SCN2A: variants seen among roughly 807,000 people sequenced by gnomAD.
The protein encoded by SCN2A is sodium voltage-gated channel alpha subunit 2, also known as sodium channel protein type 2 subunit alpha.
A neutral mutation model predicts 188.7 loss-of-function variants in SCN2A; 20 were observed. That is an observed-to-expected ratio of 0.11 (90% CI 0.07 to 0.15). The LOEUF is 0.15. Ranked by LOEUF, SCN2A falls within the 10% of genes least tolerant of loss-of-function variation. The pLI is 1.00. For missense variants in SCN2A, 1,278 were observed against 2,445.0 expected, an observed-to-expected ratio of 0.52 and a Z score of 10.07; for synonymous variants, 804 against 833.1, an observed-to-expected ratio of 0.97 and a Z score of 0.60.
intron 1 of SCN2A, among the ~76,000 whole-genome samples, chr2:165,284,697 G>A (rs1483626224): frequency 6.6e-6 from 1 of 152,020 alleles, no homozygotes; most frequent in East Asian, 1.9e-4. Flanking sequence ...TCAAACAAGT[G>A]GAAATACCTC....
intron 3 of SCN2A, among the ~76,000 whole-genome samples, chr2:165,304,222 T>C (rs750985264): frequency 7.9e-5 from 12 of 152,074 alleles, no homozygotes; most frequent in Non-Finnish European, 1.6e-4. Flanking sequence ...CTTAGCCTCC[T>C]GATTAGCTGG....
At chr2:165,348,313 T>C (rs1463004264) in intron 16 of SCN2A, among the ~76,000 whole-genome samples, 1 of 147,796 alleles carries the variant, frequency 6.8e-6, no homozygotes, top group Non-Finnish European at 1.5e-5. Context: ...GACCCGAGAT[T>C]GTGCCATTGC....
At chr2:165,337,266 A>T (rs1248686179) in intron 14 of SCN2A, among the ~76,000 whole-genome samples, 1 of 152,142 alleles carries the variant, frequency 6.6e-6, no homozygotes, top group Non-Finnish European at 1.5e-5. Context: ...GAAATTATCC[A>T]ATTTGAACAC....
At chr2:165,294,937 C>T (rs1347065389) in intron 1 of SCN2A, among the ~76,000 whole-genome samples, 1 of 152,166 alleles carries the variant, frequency 6.6e-6, no homozygotes, top group African/African-American at 2.4e-5. Context: ...TGTGATGCTA[C>T]GTTTTTATGA....
chr2:165,318,484 T>C lies in SCN2A; in HGVS notation c.1671+2726T>C, dbSNP rs560956243. Among the ~76,000 whole-genome samples the C allele has an allele frequency of 7.4e-4, 112 of 152,354 alleles. 2 individuals are homozygous for C. In the South Asian group the frequency reaches 0.021, roughly 29 times the overall value. On this transcript the variant is annotated intron_variant, in intron 11 of 26. Coordinates refer to ENST00000375437, the MANE Select transcript of SCN2A (RefSeq NM_001040142.2). ...GAATATTTCTTACTGGCCATCTTTT[T>C]TGTGTGTTACAGCATTTGATTACTA...
chr2:165,365,859 C>T (rs779794589), intron 18 of SCN2A, among the ~76,000 whole-genome samples: 3 of 152,076 alleles, frequency 2.0e-5, no homozygotes, highest in Non-Finnish European at 4.4e-5. Context: ...CTGGAGTAAT[C>T]GCAAAAGGAT....
intron 11 of SCN2A, among the ~76,000 whole-genome samples, chr2:165,317,788 G>A (rs1027242396): frequency 1.3e-5 from 2 of 152,082 alleles, no homozygotes; most frequent in African/African-American, 4.8e-5. Context: ...GGCTCATATT[G>A]ATACTTGTTT....
intron 17 of SCN2A, among the ~76,000 whole-genome samples, chr2:165,361,706 TTGC>T (rs1402151762): frequency 6.6e-6 from 1 of 152,002 alleles, no homozygotes; most frequent in Non-Finnish European, 1.5e-5. Flanking sequence ...AAGGATAAGA[TTGC>T]ATTCCTTAAA....
At chr2:165,358,150 A>G (rs1291009099) in intron 17 of SCN2A, among the ~76,000 whole-genome samples, 1 of 152,214 alleles carries the variant, frequency 6.6e-6, no homozygotes, top group Non-Finnish European at 1.5e-5. Flanking sequence ...TTTTAATGTT[A>G]CAGAGTTTTG....
chr2:165,317,298 A>G (rs1226311813), intron 11 of SCN2A, among the ~76,000 whole-genome samples: 4 of 151,768 alleles, frequency 2.6e-5, no homozygotes, highest in African/African-American at 4.8e-5. Flanking sequence ...GGAATCCTTT[A>G]AAAGGCAAAC....
At chr2:165,373,510 G>A (rs1486315278) in intron 21 of SCN2A, among the ~76,000 whole-genome samples, 163 bp downstream of exon 21, 2 of 152,034 alleles carry the variant, frequency 1.3e-5, no homozygotes, top group Non-Finnish European at 2.9e-5. Flanking sequence ...ATAATACTTG[G>A]CACTGCTGGA....
chr2:165,309,050 C>A (rs1477163162), intron 5 of SCN2A: 1 of 1,224,248 alleles, frequency 8.2e-7, no homozygotes, highest in Non-Finnish European at 1.2e-6. Context: ...ATGCCATTTT[C>A]CTCTTAATTG....
chr2:165,249,326 GAGCAA>G (rs1693993767), intron 1 of SCN2A, among the ~76,000 whole-genome samples: 1 of 152,090 alleles, frequency 6.6e-6, no homozygotes, highest in African/African-American at 2.4e-5. Flanking sequence ...CAACCGTGTG[GAGCAA>G]AGCACTGGTC....
At chr2:165,280,770 A>G (rs920999065) in intron 1 of SCN2A, among the ~76,000 whole-genome samples, 1 of 151,212 alleles carries the variant, frequency 6.6e-6, no homozygotes, top group Non-Finnish European at 1.5e-5. Flanking sequence ...AGCTTTACCC[A>G]CTCCTTTCCT....
At chr2:165,262,309 G>C (rs1428358372) in intron 1 of SCN2A, among the ~76,000 whole-genome samples, 1 of 151,946 alleles carries the variant, frequency 6.6e-6, no homozygotes, top group Non-Finnish European at 1.5e-5. Context: ...TGAGATTCTG[G>C]TGCACCCTGA....
chr2:165,331,430 C>T lies in SCN2A; in HGVS notation c.2250C>T (p.His750=), dbSNP rs762829571. The change falls in exon 14 of 27, where the codon CAC becomes CAT. Residue 750 remains histidine (H), a synonymous_variant. Coordinates refer to ENST00000375437, the MANE Select transcript of SCN2A (RefSeq NM_001040142.2). The part of the protein sequence containing the change: ...DCCKPWLKVK[H]LVNLVVMDPF... ...GTAAACCATGGTTAAAGGTGAAACACCTTGTCAACCTGGTTGTAATGGACC... is the reference window on the plus strand; with the variant it reads ...GTAAACCATGGTTAAAGGTGAAACATCTTGTCAACCTGGTTGTAATGGACC... 1.9e-6 allele frequency: 3 copies of T among 1,613,784 alleles called. No homozygotes were observed. Among genetic ancestry groups the T allele is most frequent in the Admixed American group, 3.3e-5 (2 of 59,988 alleles).
At chr2:165,333,878 T>G (rs1271050704) in intron 14 of SCN2A, among the ~76,000 whole-genome samples, 1 of 150,622 alleles carries the variant, frequency 6.6e-6, no homozygotes, top group African/African-American at 2.4e-5. Context: ...TTAGTTGGGC[T>G]AACCAAGAAA....
rs887201827 is a variant in SCN2A at position 165,391,707 on chromosome 2, G to A, written c.*1883G>A. 6.6e-5 allele frequency: 10 copies of A among 152,436 alleles called. No individual in the cohort carries two copies. The highest frequency in any genetic ancestry group is 4.1e-4 in the South Asian group (2 of 4,820). 9.4% of individuals were successfully genotyped at this position (152,436 alleles called of 1,614,324 possible). On this transcript the variant is annotated 3_prime_UTR_variant, in exon 27 of 27. Coordinates refer to ENST00000375437, the MANE Select transcript of SCN2A (RefSeq NM_001040142.2). ...ACTCTTGGCATTGCTTGAATCCAATGTTTCCACCTAGTCTTTTTATTCAGT... is the reference window on the plus strand; with the variant it reads ...ACTCTTGGCATTGCTTGAATCCAATATTTCCACCTAGTCTTTTTATTCAGT...
In SCN2A at chr2:165,355,335, T is replaced by C. The variant is rs1700125982; in HGVS notation, c.3399+664T>C. ...ACATTATAGAATGTAAAATTCTGAATTTACCAACTCAGTAAGTCCTGGTAA... is the reference window on the plus strand; with the variant it reads ...ACATTATAGAATGTAAAATTCTGAACTTACCAACTCAGTAAGTCCTGGTAA... On this transcript the variant is annotated intron_variant, in intron 17 of 26. Coordinates refer to ENST00000375437, the MANE Select transcript of SCN2A (RefSeq NM_001040142.2). 2.0e-5 allele frequency among the ~76,000 whole-genome samples: 3 copies of C among 152,232 alleles called. No homozygotes were observed. In the South Asian group the frequency reaches 6.2e-4, roughly 31 times the overall value.
Sources: allele counts gnomAD v4.1 joint callset (sites outside exome capture counted in the v4.1 genomes callset), GRCh38; gene constraint gnomAD v4.1.1; transcripts MANE v1.5; gene names NCBI Gene and HGNC (gene_info 2026-07-23, HGNC 2026-07-21).